Variants in HBS1L observed in about 807,000 individuals in gnomAD.
HBS1L encodes HBS1-like protein.
HBS1L carries 55 observed loss-of-function variants against 88.9 expected under a neutral mutation model. The observed-to-expected ratio is 0.62, with a 90% CI of 0.50 to 0.77. The LOEUF (loss-of-function observed/expected upper bound fraction) is 0.77, where lower values mean the gene tolerates loss of function less well. Ranked by LOEUF, HBS1L falls within the 30% of genes least tolerant of loss-of-function variation. The probability of loss-of-function intolerance (pLI) is 0.00; values close to 1 mark genes in which losing one functional copy is unlikely to be tolerated. For synonymous variants in HBS1L, 267 were observed against 288.5 expected, an observed-to-expected ratio of 0.93 and a Z score of 0.76; for missense variants, 741 against 829.3, an observed-to-expected ratio of 0.89 and a Z score of 1.31.
chr6:134,989,637 G>T (rs1471998419), intron 8 of HBS1L, among the ~76,000 whole-genome samples: 1 of 152,132 alleles, frequency 6.6e-6, no homozygotes, highest in African/African-American at 2.4e-5. Context: ...AGAACATTAC[G>T]ATTTAAATTG....
intron 4 of HBS1L, among the ~76,000 whole-genome samples, chr6:135,026,546 C>T (rs1239985544): frequency 6.6e-6 from 1 of 151,688 alleles, no homozygotes; most frequent in Non-Finnish European, 1.5e-5. Context: ...TGAGAAAAAC[C>T]CATCTATTAA....
In HBS1L at chr6:134,963,308, T is replaced by C. The variant is rs1774227379; in HGVS notation, c.*1971A>G. 1 of 152,214 alleles carries C rather than the reference T, an allele frequency of 6.6e-6. No individual in the cohort carries two copies. The highest frequency in any genetic ancestry group is 2.4e-5 in the African/African-American group (1 of 41,450). 9.4% of individuals were successfully genotyped at this position (152,214 alleles called of 1,614,324 possible). A position where few individuals can be genotyped will look rare whatever the true frequency, so the allele number is the denominator to read the frequency against. The stretch of plus-strand genomic sequence containing the variant: ...GTCAATGATGAGATGTTTCTAGGAC[T>C]TCTGGAGAAGATATGCTCTTTTAGT... On this transcript the variant is annotated 3_prime_UTR_variant, in exon 18 of 18. Coordinates refer to ENST00000367837, the MANE Select transcript of HBS1L (RefSeq NM_006620.4).
intron 4 of HBS1L, among the ~76,000 whole-genome samples, chr6:135,020,510 C>T (rs1038961098): frequency 3.9e-5 from 6 of 151,958 alleles, no homozygotes; most frequent in African/African-American, 1.2e-4. Context: ...AGAAAAACTG[C>T]ATAATTTATC....
intron 14 of HBS1L, 86 bp downstream of exon 14, chr6:134,979,092 T>G: frequency 1.1e-6 from 1 of 886,280 alleles, no homozygotes; most frequent in East Asian, 2.5e-5. Flanking sequence ...AATTCAAAAT[T>G]GAACTAGCAG....
In HBS1L at chr6:135,039,472, T is replaced by C. The variant is rs147940564; in HGVS notation, c.430+101A>G. On this transcript the variant is annotated intron_variant, in intron 4 of 17. Coordinates refer to ENST00000367837, the MANE Select transcript of HBS1L (RefSeq NM_006620.4). The stretch of plus-strand genomic sequence containing the variant: ...CAATAACATGCAAGATTTTAATAGC[T>C]CAAGCAAATTAAATATTTTCTTAAA... 319 of 960,504 alleles carry C rather than the reference T, an allele frequency of 3.3e-4. 1 individual carries two copies. In the East Asian group the frequency reaches 7.7e-3, roughly 23 times the overall value. The allele number at this position is 960,504 out of a possible 1,614,324, so 59.5% of individuals were successfully genotyped here.
chr6:135,042,255 G>T, intron 2 of HBS1L, 129 bp from the exon 3 acceptor site: 1 of 738,102 alleles, frequency 1.4e-6, no homozygotes, highest in Non-Finnish European at 2.1e-6. Flanking sequence ...CATAAGGGAT[G>T]AAAACAAAAA....
At chr6:135,043,753 A>C (rs933831418) in intron 2 of HBS1L, among the ~76,000 whole-genome samples, 1 of 152,204 alleles carries the variant, frequency 6.6e-6, no homozygotes, top group African/African-American at 2.4e-5. Flanking sequence ...AACAAGGAGA[A>C]AAGAATAAGA....
Position 134,979,261 on chromosome 6 carries a change from A to G in HBS1L, c.1605T>C (p.Thr535=). 6.2e-7 allele frequency: 1 copy of G among 1,611,366 alleles called. No individual in the cohort carries two copies. Among genetic ancestry groups the G allele is most frequent in the African/African-American group, 1.3e-5 (1 of 74,902 alleles). The change falls in exon 14 of 18, where the codon ACT becomes ACC. Residue 535 remains threonine (T), a synonymous_variant. Coordinates refer to ENST00000367837, the MANE Select transcript of HBS1L (RefSeq NM_006620.4). ...CCCAGTCGACAGGTTCATCATGCAG[A>G]GTGATTCCTGGAAATGAGTAAGAAC... is the stretch of plus-strand genomic sequence containing the variant. The part of the protein sequence containing the change: ...PNETCTVKGI[T]LHDEPVDWAA...
chr6:134,966,593 A>AACTG, intron 16 of HBS1L, 120 bp from the exon 17 acceptor site: 1 of 614,498 alleles, frequency 1.6e-6, no homozygotes, highest in Admixed American at 3.1e-5. Flanking sequence ...TTTCAAAAAC[A>AACTG]AGAAAAATAT....
chr6:134,993,692 C>A (rs1775209141), intron 8 of HBS1L, 66 bp downstream of exon 8: 1 of 620,446 alleles, frequency 1.6e-6, no homozygotes, highest in Non-Finnish European at 2.7e-6. Flanking sequence ...AGAATTGTAA[C>A]CTCAGCATCA....
chr6:135,027,000 TAGGTA>T (rs1776245349), intron 4 of HBS1L: 1 of 151,100 alleles, frequency 6.6e-6, no homozygotes, highest in Non-Finnish European at 1.5e-5. Flanking sequence ...GAGACCAGCA[TAGGTA>T]AAGTGGCAAG....
In HBS1L at chr6:135,050,616, A is replaced by G; in HGVS notation, c.75T>C (p.Ser25=). 1 of 1,596,410 alleles carries G rather than the reference A, an allele frequency of 6.3e-7. No individual in the cohort carries two copies. Among genetic ancestry groups the G allele is most frequent in the Non-Finnish European group, 8.5e-7 (1 of 1,170,162 alleles). Residue 25 remains serine, a synonymous_variant, in exon 2 of 18, where the codon TCT becomes TCC. Transcript: ENST00000367837. The part of the protein sequence containing the change: ...DFEDDDLYGQ[S]VEDDYCISPS... ...GCGAAATACAATAATCATCCTCTAC[A>G]GACTGGCCGTAGAGATCATCATCTT...
chr6:135,028,094 G>T (rs1776285515), intron 4 of HBS1L, among the ~76,000 whole-genome samples: 1 of 152,022 alleles, frequency 6.6e-6, no homozygotes, highest in Admixed American at 6.6e-5. Context: ...AATTAAAAAT[G>T]CATGTATGTT....
intron 4 of HBS1L, among the ~76,000 whole-genome samples, chr6:135,038,407 A>G (rs1269726195): frequency 6.6e-6 from 1 of 152,186 alleles, no homozygotes; most frequent in Admixed American, 6.5e-5. Context: ...TTTATTCTGT[A>G]TTTTAATGTA....
At chr6:135,004,663 G>A (rs1775560529) in intron 4 of HBS1L, among the ~76,000 whole-genome samples, 1 of 152,120 alleles carries the variant, frequency 6.6e-6, no homozygotes, top group African/African-American at 2.4e-5. Flanking sequence ...GGGCAAGGGA[G>A]AGGAGAGGAT....
At chr6:134,985,320 C>A (rs139764458) in intron 12 of HBS1L, 21 bp downstream of exon 12, 3 of 1,522,844 alleles carry the variant, frequency 2.0e-6, no homozygotes, top group African/African-American at 2.8e-5. Context: ...ACTGAAGAAG[C>A]ACTACAAAGG....
At chr6:135,009,236 T>TA (rs919665306) in intron 4 of HBS1L, among the ~76,000 whole-genome samples, 6 of 152,098 alleles carry the variant, frequency 3.9e-5, no homozygotes, top group African/African-American at 1.4e-4. Flanking sequence ...ATAGCTAAAT[T>TA]AAAATATATA....
chr6:135,044,868 T>G (rs1776860700), intron 2 of HBS1L, among the ~76,000 whole-genome samples: 1 of 152,072 alleles, frequency 6.6e-6, no homozygotes. Context: ...CAAGTTTCAG[T>G]CAGGAAATAC....
intron 17 of HBS1L, among the ~76,000 whole-genome samples, chr6:134,965,667 G>A (rs1343728882): frequency 1.3e-5 from 2 of 152,190 alleles, no homozygotes; most frequent in African/African-American, 2.4e-5. Context: ...TTTTTACACT[G>A]AAGGAGGTAA....
Sources: gnomAD v4.1 joint callset for allele counts (sites outside exome capture counted in the v4.1 genomes callset) on GRCh38, gnomAD v4.1.1 for gene constraint, MANE v1.5 for transcripts, NCBI Gene and HGNC (gene_info 2026-07-23, HGNC 2026-07-21) for gene names.